Variants in ASAP3 observed in about 807,000 individuals in gnomAD.
ASAP3 encodes ArfGAP with SH3 domain, ankyrin repeat and PH domain 3, also known as arf-GAP with SH3 domain, ANK repeat and PH domain-containing protein 3.
In ASAP3, 85 loss-of-function variants were observed where a neutral mutation model predicts 118.2. That is an observed-to-expected ratio of 0.72 (90% CI 0.60 to 0.86). The LOEUF is 0.86. Ranked by LOEUF, ASAP3 falls within the 40% of genes least tolerant of loss-of-function variation. The probability of loss-of-function intolerance (pLI) is 0.00; values close to 1 mark genes in which losing one functional copy is unlikely to be tolerated. For missense variants in ASAP3, 1,026 were observed against 1,175.0 expected (o/e 0.87, Z 1.85); for synonymous variants, 432 against 477.4 (o/e 0.90, Z 1.24).
chr1:23,479,606 A>G (rs1258325764), intron 1 of ASAP3, among the ~76,000 whole-genome samples: 1 of 152,232 alleles, frequency 6.6e-6, no homozygotes, highest in Non-Finnish European at 1.5e-5. Context: ...ATTAAGAAGG[A>G]AATCCTTTCT....
At position 23,433,476 on chromosome 1, in the gene ASAP3, C is replaced by T. The variant is rs777818177; in HGVS notation, c.2076G>A (p.Trp692Ter). The part of the protein sequence containing the change: ...FAFPLHVDYS[W>*]VISTEPGSDS... ...CAGAGCCAGGCTCTGTGGAAATTACCCAGGAGTAGTCCACATGTAGAGGGA... is the reference window on the plus strand; with the variant it reads ...CAGAGCCAGGCTCTGTGGAAATTACTCAGGAGTAGTCCACATGTAGAGGGA... The change falls in exon 21 of 25, where the codon TGG becomes TGA. Residue 692 changes from tryptophan to a stop codon, truncating the protein, a stop_gained. Transcript: ENST00000336689. LOFTEE classifies it high-confidence loss of function. 1.9e-6 allele frequency: 3 copies of T among 1,614,086 alleles called. No individual in the cohort carries two copies. Among genetic ancestry groups the T allele is most frequent in the South Asian group, 2.2e-5 (2 of 91,082 alleles).
In ASAP3 at chr1:23,437,243, C is replaced by T. The variant is rs1203916884; in HGVS notation, c.1229G>A (p.Gly410Glu). ...AFLGEPSAGPGSWGSAGHDGE... is the reference protein window; with the variant it reads ...AFLGEPSAGPESWGSAGHDGE... The stretch of plus-strand genomic sequence containing the variant: ...ATCATGGCCGGCGGACCCCCAGGAC[C>T]CCGGGCCAGCGCTGGGCTCCCCGAG... The change falls in exon 14 of 25, where the codon GGG (glycine) becomes GAG (glutamate). Residue 410 changes from glycine (G) to glutamate (E), a missense_variant. Gly to Glu is a moderately conservative substitution (Grantham distance 98). Transcript: ENST00000336689. This position sits in a 1 kb window ranked among gnomAD's most constrained non-coding sequence, Gnocchi z 6.1. 3.1e-6 allele frequency: 5 copies of T among 1,591,082 alleles called. No homozygotes were observed. In the Admixed American group the frequency reaches 7.2e-5, roughly 23 times the overall value.
intron 1 of ASAP3, among the ~76,000 whole-genome samples, chr1:23,465,000 G>A (rs538365897): frequency 1.3e-5 from 2 of 152,296 alleles, no homozygotes; most frequent in African/African-American, 4.8e-5. Flanking sequence ...GCTCCACCAG[G>A]TACCTGATGT....
intron 4 of ASAP3, 23 bp from the exon 5 acceptor site, chr1:23,451,551 T>A (rs777157336): frequency 1.9e-6 from 3 of 1,612,902 alleles, no homozygotes; most frequent in Admixed American, 3.3e-5. Context: ...AAAGGACAAT[T>A]TGCCCAGAGG....
chr1:23,448,719 G>A (rs1368426782), intron 5 of ASAP3, among the ~76,000 whole-genome samples: 1 of 152,004 alleles, frequency 6.6e-6, no homozygotes, highest in African/African-American at 2.4e-5. Flanking sequence ...CTCCTGTCTT[G>A]GCCTCCCAAA....
In ASAP3 at chr1:23,441,623, G is replaced by C. The variant is rs1192095769; in HGVS notation, c.747+32C>G. ...ATTTTCCTGGAAGGACAGGGGGCTT[G>C]ATCACGTGCCCAAGGGTGAGACCCA... On this transcript the variant is annotated intron_variant, in intron 8 of 24. Coordinates refer to ENST00000336689, the MANE Select transcript of ASAP3 (RefSeq NM_017707.4). 3 of 1,612,672 alleles carry C rather than the reference G, an allele frequency of 1.9e-6. No individual in the cohort carries two copies. The African/African-American group carries it at 4.0e-5, about 22-fold the overall frequency.
At chr1:23,462,128 A>G (rs1279956529) in intron 1 of ASAP3, among the ~76,000 whole-genome samples, 1 of 150,538 alleles carries the variant, frequency 6.6e-6, no homozygotes, top group Non-Finnish European at 1.5e-5. Flanking sequence ...GGTTCACGCC[A>G]TTCTCCTGAC....
At chr1:23,480,154 C>G (rs938626899) in intron 1 of ASAP3, 1 of 152,008 alleles carries the variant, frequency 6.6e-6, no homozygotes, top group Non-Finnish European at 1.5e-5. Flanking sequence ...AGAGTGAGAC[C>G]CTGTCTCAAA....
In ASAP3 at chr1:23,482,036, G is replaced by A. The variant is rs1642321951; in HGVS notation, c.129+1969C>T. On this transcript the variant is annotated intron_variant, in intron 1 of 24. Transcript: ENST00000336689. ...CCACAGGCAGTGGACTCTGCCCAAGGAAGGAAGCCAAATCTGACCGGCTGC... is the reference window on the plus strand; with the variant it reads ...CCACAGGCAGTGGACTCTGCCCAAGAAAGGAAGCCAAATCTGACCGGCTGC... Among the ~76,000 whole-genome samples, 7 of 152,196 alleles carry A rather than the reference G, an allele frequency of 4.6e-5. No individual in the cohort carries two copies. The South Asian group carries it at 1.4e-3, about 32-fold the overall frequency.
chr1:23,440,888 G>A (rs1337822573), intron 10 of ASAP3, among the ~76,000 whole-genome samples: 3 of 149,808 alleles, frequency 2.0e-5, no homozygotes, highest in Non-Finnish European at 4.4e-5. Context: ...GTTAGCTACT[G>A]CTATTCTTCT....
rs1640772611 is a variant in ASAP3, at chr1:23,438,997, G to T, written c.1015-163C>A. The stretch of plus-strand genomic sequence containing the variant: ...GGATGTGAAGTGTAGACTAAGACTA[G>T]ATTGGGGCCTTCAGGTCCCATCTGT... On this transcript the variant is annotated intron_variant, in intron 11 of 24. Transcript: ENST00000336689. This position sits in a 1 kb window ranked among gnomAD's most constrained non-coding sequence, Gnocchi z 4.9. The T allele has an allele frequency of 6.5e-6, 7 of 1,079,172 alleles. No homozygotes were observed. The highest frequency in any genetic ancestry group is 9.5e-6 in the Non-Finnish European group (7 of 735,060). 66.8% of individuals were successfully genotyped at this position (1,079,172 alleles called of 1,614,324 possible).
intron 1 of ASAP3, among the ~76,000 whole-genome samples, chr1:23,474,981 C>T (rs775190184): frequency 2.0e-5 from 3 of 152,186 alleles, no homozygotes; most frequent in Non-Finnish European, 2.9e-5. Flanking sequence ...TGCAGATTCC[C>T]AGACAATCCC....
intron 1 of ASAP3, chr1:23,480,293 GA>G (rs1297429918): frequency 6.6e-6 from 1 of 152,192 alleles, no homozygotes; most frequent in Non-Finnish European, 1.5e-5. Flanking sequence ...AGACCTACTG[GA>G]GGGGGTGTGT....
At chr1:23,452,484 A>G (rs762382566) in intron 4 of ASAP3, among the ~76,000 whole-genome samples, 53 of 152,248 alleles carry the variant, frequency 3.5e-4, no homozygotes, top group Middle Eastern at 3.4e-3. Flanking sequence ...TAAGATTTAC[A>G]TGACATGTTT....
At position 23,437,410 on chromosome 1, in the gene ASAP3, G is replaced by A. The variant is rs1640715206; in HGVS notation, c.1151+14C>T. 12 of 1,613,534 alleles carry A rather than the reference G, an allele frequency of 7.4e-6. No individual in the cohort carries two copies. Among genetic ancestry groups the A allele is most frequent in the South Asian group, 2.2e-5 (2 of 91,058 alleles). ...ACCCACAAGGCTGGCCGGGCTGGCC[G>A]AGGGGGCACTCACGCCTCACACTCG... On this transcript the variant is annotated intron_variant, in intron 13 of 24. Transcript: ENST00000336689. The surrounding 1 kb of genome is among the most constrained non-coding windows in gnomAD (Gnocchi z 6.1).
chr1:23,448,190 C>T (rs1447189146), intron 5 of ASAP3, among the ~76,000 whole-genome samples: 3 of 152,204 alleles, frequency 2.0e-5, no homozygotes, highest in African/African-American at 7.2e-5. Context: ...AAGGAGACTA[C>T]AGCAACAGTC....
chr1:23,439,877 C>T lies in ASAP3; in HGVS notation c.945-647G>A, dbSNP rs890391491. Among the ~76,000 whole-genome samples, 7 of 152,090 alleles carry T rather than the reference C, an allele frequency of 4.6e-5. No homozygotes were observed. In the East Asian group the frequency reaches 7.8e-4, roughly 17 times the overall value. On this transcript the variant is annotated intron_variant, in intron 10 of 24. Coordinates refer to ENST00000336689, the MANE Select transcript of ASAP3 (RefSeq NM_017707.4). ...TCACCCAGGCTGGAATACAGTGGCA[C>T]GATCTCGGCTCATTGCAATCCCTGC...
chr1:23,459,654 A>AGCC (rs1287054940), intron 1 of ASAP3, among the ~76,000 whole-genome samples: 1 of 152,234 alleles, frequency 6.6e-6, no homozygotes, highest in African/African-American at 2.4e-5. Context: ...GACATGAACA[A>AGCC]GCCCCACACC....
chr1:23,441,005 C>T (rs186944971), intron 10 of ASAP3, 97 bp downstream of exon 10: 25 of 1,183,728 alleles, frequency 2.1e-5, no homozygotes, highest in Non-Finnish European at 3.0e-5. Context: ...GGTGTCTACA[C>T]AAATGATTAG....
Sources: gnomAD v4.1 joint callset for allele counts (sites outside exome capture counted in the v4.1 genomes callset) on GRCh38, gnomAD v4.1.1 for gene constraint, Gnocchi (gnomAD v3.1) non-coding constraint, MANE v1.5 for transcripts, NCBI Gene and HGNC (gene_info 2026-07-23, HGNC 2026-07-21) for gene names.